Variants in CAST observed in about 807,000 individuals in gnomAD.
CAST encodes the protein MIR583 host.
Under a neutral mutation model 119.6 loss-of-function variants are expected in CAST, and 76 were observed. That is an observed-to-expected ratio of 0.64 (90% CI 0.53 to 0.77). The LOEUF is 0.77. Ranked by LOEUF, CAST falls within the 30% of genes least tolerant of loss-of-function variation. The pLI is 0.00. For missense variants in CAST, 953 were observed against 946.5 expected, an observed-to-expected ratio of 1.01 and a Z score of -0.09; for synonymous variants, 319 against 331.6, an observed-to-expected ratio of 0.96 and a Z score of 0.41.
the CAST span, among the ~76,000 whole-genome samples, chr5:95,965,407 A>G: frequency 4.7e-4 from 72 of 152,348 alleles, 1 homozygote; most frequent in Middle Eastern, 6.8e-3. Flanking sequence ...GTGACTGCCA[A>G]TGCAGAAGGG....
At chr5:95,989,011 T>C in the CAST span, among the ~76,000 whole-genome samples, 4 of 152,194 alleles carry the variant, frequency 2.6e-5, no homozygotes, top group Non-Finnish European at 5.9e-5. Context: ...TAAAAGAACA[T>C]TTATAGTTCC....
the CAST span, among the ~76,000 whole-genome samples, chr5:96,243,021 G>A: frequency 3.9e-4 from 60 of 151,968 alleles, no homozygotes; most frequent in African/African-American, 1.4e-3. Flanking sequence ...CTATAAATAC[G>A]TTCAAAATTT....
chr5:96,558,529 A>C (rs1326480489), intron 1 of CAST, among the ~76,000 whole-genome samples: 2 of 152,220 alleles, frequency 1.3e-5, no homozygotes, highest in African/African-American at 2.4e-5. Flanking sequence ...AGGGGATAAC[A>C]CCACAGATCC....
chr5:96,482,646 C>T, the CAST span, among the ~76,000 whole-genome samples: 4 of 152,064 alleles, frequency 2.6e-5, no homozygotes, highest in Admixed American at 1.3e-4. Flanking sequence ...TCACTACCAA[C>T]TCTGATCTGG....
upstream of CAST, among the ~76,000 whole-genome samples, chr5:96,661,141 T>C: frequency 6.6e-6 from 1 of 151,366 alleles, no homozygotes; most frequent in East Asian, 1.9e-4. Context: ...TGGCCGGCTG[T>C]AGTGGCTCAC....
At chr5:96,393,218 T>C in the CAST span, 1 of 1,613,952 alleles carries the variant, frequency 6.2e-7, no homozygotes, top group East Asian at 2.2e-5. Flanking sequence ...TGGTGATTGC[T>C]TTGGCGGTGA....
chr5:96,624,758 A>G (rs1196492824), intron 1 of CAST, among the ~76,000 whole-genome samples: 2 of 152,324 alleles, frequency 1.3e-5, no homozygotes, highest in African/African-American at 2.4e-5. Context: ...TCAATAAAAC[A>G]ATAAAGCCAA....
chr5:96,505,348 C>T, the CAST span, among the ~76,000 whole-genome samples: 1 of 151,944 alleles, frequency 6.6e-6, no homozygotes, highest in Admixed American at 6.6e-5. Context: ...GGCATGGTGG[C>T]GGGTGCCTGT....
chr5:96,317,084 A>G, the CAST span, among the ~76,000 whole-genome samples: 2 of 152,154 alleles, frequency 1.3e-5, no homozygotes, highest in East Asian at 1.9e-4. Flanking sequence ...CGAAGGAGAT[A>G]CTTGTCCAGC....
At chr5:96,666,034 A>G (rs1267540987) in intron 1 of CAST, among the ~76,000 whole-genome samples, 1 of 152,232 alleles carries the variant, frequency 6.6e-6, no homozygotes, top group Non-Finnish European at 1.5e-5. Context: ...CCTATAATTA[A>G]AATATCTTTG....
At chr5:96,632,279 A>G (rs1277459543) in intron 1 of CAST, among the ~76,000 whole-genome samples, 1 of 151,488 alleles carries the variant, frequency 6.6e-6, no homozygotes, top group Non-Finnish European at 1.5e-5. Context: ...ATTTGCAAAT[A>G]CTTTTTCCCA....
intron 1 of CAST, among the ~76,000 whole-genome samples, chr5:96,582,556 G>A (rs1383326076): frequency 6.6e-6 from 1 of 152,188 alleles, no homozygotes; most frequent in Admixed American, 6.5e-5. Context: ...CCCTTGCCAG[G>A]AGCGTGGGCC....
the CAST span, among the ~76,000 whole-genome samples, chr5:96,095,556 CAAAAAAAAAAAAAAAAAAA>C: frequency 0.054 from 3,099 of 57,670 alleles, 91 homozygotes; most frequent in Middle Eastern, 0.22. Flanking sequence ...GACTCTGTTT[CAAAAAAAAAAAAAAAAAAA>C]AAAAAAAAAA....
chr5:96,736,412 A>C (rs981595443), intron 10 of CAST, among the ~76,000 whole-genome samples, 172 bp downstream of exon 10: 9 of 152,190 alleles, frequency 5.9e-5, no homozygotes, highest in African/African-American at 2.2e-4. Context: ...TATGGTTTTC[A>C]CACTCATGTT....
chr5:95,986,807 C>A, the CAST span, among the ~76,000 whole-genome samples: 1 of 152,080 alleles, frequency 6.6e-6, no homozygotes, highest in Non-Finnish European at 1.5e-5. Context: ...TCTTGAGTTC[C>A]CAAATCTACT....
At chr5:96,324,195 T>C in the CAST span, among the ~76,000 whole-genome samples, 1 of 152,218 alleles carries the variant, frequency 6.6e-6, no homozygotes, top group African/African-American at 2.4e-5. Context: ...AGCTGGTTAT[T>C]AATTATCAGG....
the CAST span, among the ~76,000 whole-genome samples, chr5:96,370,248 C>G: frequency 6.6e-6 from 1 of 151,968 alleles, no homozygotes; most frequent in South Asian, 2.1e-4. Flanking sequence ...TTAGGCAGTA[C>G]TGTAGTAGAA....
chr5:96,291,149 C>T, the CAST span, among the ~76,000 whole-genome samples: 1 of 152,200 alleles, frequency 6.6e-6, no homozygotes, highest in Non-Finnish European at 1.5e-5. Flanking sequence ...ACTGTAGTCT[C>T]AGCTGAAATC....
chr5:96,170,649 G>C, the CAST span, among the ~76,000 whole-genome samples: 1 of 152,198 alleles, frequency 6.6e-6, no homozygotes, highest in East Asian at 1.9e-4. Context: ...TCAGGGTCTA[G>C]GGCTGTAAAG....
Sources: allele counts gnomAD v4.1 joint callset (sites outside exome capture counted in the v4.1 genomes callset), GRCh38; gene constraint gnomAD v4.1.1; transcripts MANE v1.5; gene names NCBI Gene and HGNC (gene_info 2026-07-23, HGNC 2026-07-21).